PCLO: variants seen among roughly 807,000 people sequenced by gnomAD.
PCLO encodes the protein piccolo presynaptic cytomatrix protein.
PCLO carries 82 observed loss-of-function variants against 427.5 expected under a neutral mutation model. That is an observed-to-expected ratio of 0.19 (90% CI 0.16 to 0.23). PCLO has a LOEUF of 0.23. Among genes scored for constraint, PCLO ranks in the 10% least tolerant of loss-of-function variants. PCLO has a pLI of 1.00. For missense variants in PCLO, 6,239 were observed against 6,115.9 expected (o/e 1.02, Z -0.67); for synonymous variants, 2,357 against 2,155.4 (o/e 1.09, Z -2.59).
At position 83,134,771 on chromosome 7, in the gene PCLO, C is replaced by T. The variant is rs765996457; in HGVS notation, c.2779G>A (p.Val927Met). 6.8e-6 allele frequency: 11 copies of T among 1,613,950 alleles called. No individual in the cohort carries two copies. Among genetic ancestry groups the T allele is most frequent in the East Asian group, 4.5e-5 (2 of 44,870 alleles). ...KSQPTTPQETVTGKLFGFGAS... is the reference protein window; with the variant it reads ...KSQPTTPQETMTGKLFGFGAS... ...CCAAACCCAAAGAGTTTCCCAGTCACGGTCTCTTGAGGAGTTGTAGGCTGT... is the reference window on the plus strand; with the variant it reads ...CCAAACCCAAAGAGTTTCCCAGTCATGGTCTCTTGAGGAGTTGTAGGCTGT... The change falls in exon 3 of 25, where the codon GTG (valine) becomes ATG (methionine). Residue 927 changes from valine to methionine, a missense_variant. Val to Met is a conservative substitution (Grantham distance 21). Transcript: ENST00000333891.
At chr7:82,760,618 A>G in intron 24 of PCLO, 21 bp downstream of exon 24, 1 of 1,500,280 alleles carries the variant, frequency 6.7e-7, no homozygotes, top group Non-Finnish European at 9.0e-7. Flanking sequence ...TTCAAATATG[A>G]ACTACATAAT....
intron 16 of PCLO, 126 bp downstream of exon 16, chr7:82,835,541 T>C (rs1341195953): frequency 2.9e-6 from 2 of 691,096 alleles, no homozygotes; most frequent in South Asian, 3.6e-5. Flanking sequence ...ATTCAATAGA[T>C]ACAAACATGT....
At chr7:82,834,570 C>T (rs1329515734) in intron 16 of PCLO, among the ~76,000 whole-genome samples, 1 of 152,140 alleles carries the variant, frequency 6.6e-6, no homozygotes. Context: ...AAAACGAATG[C>T]TGTACCATTA....
intron 20 of PCLO, among the ~76,000 whole-genome samples, chr7:82,808,248 TTCAA>T (rs1387814033): frequency 1.3e-5 from 2 of 151,864 alleles, no homozygotes; most frequent in East Asian, 1.9e-4. Context: ...GACACTAATA[TTCAA>T]TCAATTTATA....
At chr7:82,949,291 G>A (rs371176739) in intron 6 of PCLO, among the ~76,000 whole-genome samples, 185 bp downstream of exon 6, 4 of 150,290 alleles carry the variant, frequency 2.7e-5, no homozygotes, top group South Asian at 2.1e-4. Flanking sequence ...ACACACACAC[G>A]TGTGCACACA....
chr7:82,762,560 G>C (rs959312105), intron 22 of PCLO, among the ~76,000 whole-genome samples: 5 of 151,826 alleles, frequency 3.3e-5, no homozygotes, highest in Non-Finnish European at 7.4e-5. Context: ...TGTTTATGTG[G>C]ATAACTACCA....
chr7:82,942,053 C>A (rs1305338697), intron 6 of PCLO, among the ~76,000 whole-genome samples: 1 of 152,138 alleles, frequency 6.6e-6, no homozygotes, highest in Non-Finnish European at 1.5e-5. Context: ...ACAGCGGGTG[C>A]CTGTATTCCC....
chr7:82,791,894 T>C (rs1791109211), intron 22 of PCLO, among the ~76,000 whole-genome samples: 1 of 152,078 alleles, frequency 6.6e-6, no homozygotes, highest in Admixed American at 6.5e-5. Flanking sequence ...GTGAATTATC[T>C]TCAATAAATT....
chr7:83,050,227 A>AAC (rs1789206323), intron 3 of PCLO, among the ~76,000 whole-genome samples: 1 of 85,620 alleles, frequency 1.2e-5, no homozygotes, highest in Non-Finnish European at 2.7e-5. Flanking sequence ...AAAAAAAAAA[A>AAC]AAAAAAAAAA....
chr7:82,879,814 A>G (rs1204263479), intron 9 of PCLO: 1 of 451,282 alleles, frequency 2.2e-6, no homozygotes, highest in Non-Finnish European at 4.4e-6. Flanking sequence ...GAGACTAAGG[A>G]ACATTTTACT....
chr7:83,083,997 T>C (rs927440781), intron 3 of PCLO, among the ~76,000 whole-genome samples: 1 of 152,118 alleles, frequency 6.6e-6, no homozygotes, highest in African/African-American at 2.4e-5. Flanking sequence ...AGGAAACTCA[T>C]CAGAGCAGCC....
At chr7:82,968,528 T>C (rs2115681747) in intron 3 of PCLO, among the ~76,000 whole-genome samples, 1 of 149,240 alleles carries the variant, frequency 6.7e-6, no homozygotes, top group African/African-American at 2.5e-5. Flanking sequence ...TTTTTTTTTT[T>C]TTTTTTTTTT....
At chr7:83,058,055 GAA>G (rs1789446571) in intron 3 of PCLO, among the ~76,000 whole-genome samples, 2 of 152,196 alleles carry the variant, frequency 1.3e-5, no homozygotes, top group Admixed American at 1.3e-4. Flanking sequence ...TTGAAGAAGA[GAA>G]GCTTGGTAGG....
At chr7:82,783,505 C>A (rs938757458) in intron 22 of PCLO, among the ~76,000 whole-genome samples, 1 of 152,036 alleles carries the variant, frequency 6.6e-6, no homozygotes, top group African/African-American at 2.4e-5. Flanking sequence ...TCCTGTAGTG[C>A]CAGCTACTCA....
chr7:83,024,339 G>A (rs983181867), intron 3 of PCLO, among the ~76,000 whole-genome samples: 1 of 152,236 alleles, frequency 6.6e-6, no homozygotes, highest in Non-Finnish European at 1.5e-5. Context: ...AAAGAAAGGG[G>A]TGATGGACGG....
At position 82,951,479 on chromosome 7, in the gene PCLO, C is replaced by T. The variant is rs1421280482; in HGVS notation, c.9109G>A (p.Asp3037Asn). ...SGRVTTGEVM[D>N]YSSKTTGPYP... ...GGACCTGTAGTCTTGCTTGAATAAT[C>T]CATTACCTCACCTGAAATACAGGGC... is the stretch of plus-strand genomic sequence containing the variant. Residue 3037 changes from aspartate (D) to asparagine (N), a missense_variant, in exon 6 of 25, where the codon GAT becomes AAT. By Grantham distance (23) the Asp-to-Asn change is conservative. Coordinates refer to ENST00000333891, the MANE Select transcript of PCLO (RefSeq NM_033026.6). 6.4e-7 allele frequency: 1 copy of T among 1,566,754 alleles called. No individual in the cohort carries two copies. Among genetic ancestry groups the T allele is most frequent in the South Asian group, 1.2e-5 (1 of 85,458 alleles).
chr7:82,765,706 T>G (rs540269203), intron 22 of PCLO, among the ~76,000 whole-genome samples: 1 of 152,080 alleles, frequency 6.6e-6, no homozygotes, highest in Non-Finnish European at 1.5e-5. Flanking sequence ...ATATGTTTCT[T>G]TGAATTTGTG....
chr7:82,886,294 C>T (rs145754789), intron 9 of PCLO, among the ~76,000 whole-genome samples: 1 of 152,226 alleles, frequency 6.6e-6, no homozygotes, highest in East Asian at 1.9e-4. Context: ...CTTTTTCAAA[C>T]ATTATAAAGA....
chr7:82,843,976 C>T (rs906977430), intron 13 of PCLO, among the ~76,000 whole-genome samples: 10 of 151,878 alleles, frequency 6.6e-5, no homozygotes, highest in Non-Finnish European at 1.5e-4. Context: ...ACAATGTATA[C>T]ATATTTTAAA....
Sources: allele counts gnomAD v4.1 joint callset (sites outside exome capture counted in the v4.1 genomes callset), GRCh38; gene constraint gnomAD v4.1.1; transcripts MANE v1.5; gene names NCBI Gene and HGNC (gene_info 2026-07-23, HGNC 2026-07-21).